SH3RF3: variants seen among roughly 807,000 people sequenced by gnomAD.
SH3RF3 encodes SH3 domain containing ring finger 3.
Under a neutral mutation model 66.3 loss-of-function variants are expected in SH3RF3, and 29 were observed. The observed-to-expected ratio is 0.44, with a 90% confidence interval of 0.33 to 0.60. SH3RF3 has a LOEUF of 0.60. Among genes scored for constraint, SH3RF3 ranks in the 20% least tolerant of loss-of-function variants. The pLI, the probability that SH3RF3 is intolerant of heterozygous loss-of-function variation, is 0.04. For missense variants in SH3RF3, 1,194 were observed against 1,190.9 expected, an observed-to-expected ratio of 1.00 and a Z score of -0.04; for synonymous variants, 583 against 532.0, an observed-to-expected ratio of 1.10 and a Z score of -1.32.
In SH3RF3 at chr2:109,371,567, G is replaced by A. The variant is rs1416899577; in HGVS notation, c.850-19G>A. 2 of 1,611,050 alleles carry A rather than the reference G, an allele frequency of 1.2e-6. No homozygotes were observed. Among genetic ancestry groups the A allele is most frequent in the African/African-American group, 1.3e-5 (1 of 74,852 alleles). On this transcript the variant is annotated intron_variant, in intron 2 of 9. Coordinates refer to ENST00000309415, the MANE Select transcript of SH3RF3 (RefSeq NM_001099289.3). ...TGTGTGTCCGTATGCTTGTGTCCAC[G>A]GTGGACCCGGAACTGCAGGACGAGA...
chr2:109,350,527 C>T (rs891645791), intron 2 of SH3RF3, among the ~76,000 whole-genome samples: 2 of 152,196 alleles, frequency 1.3e-5, no homozygotes, highest in Admixed American at 6.5e-5. Context: ...CCCCAAAGGG[C>T]GAGGTCGGGC....
In SH3RF3 at chr2:109,241,402, G is replaced by T. The variant is rs145505142; in HGVS notation, c.574-106272G>T. Among the ~76,000 whole-genome samples, 524 of 152,312 alleles carry T rather than the reference G, an allele frequency of 3.4e-3. 2 individuals are homozygous for T. The highest frequency in any genetic ancestry group is 0.012 in the African/African-American group (506 of 41,558). On this transcript the variant is annotated intron_variant, in intron 1 of 9. Transcript: ENST00000309415. The stretch of plus-strand genomic sequence containing the variant: ...TCTCCCCTTTTCTAGGGCCATATGG[G>T]TATAGATGCATTGGGGGAAAAAATG...
At chr2:109,484,218 C>T (rs1249152610) in intron 8 of SH3RF3, among the ~76,000 whole-genome samples, 2 of 152,142 alleles carry the variant, frequency 1.3e-5, no homozygotes, top group Non-Finnish European at 2.9e-5. Flanking sequence ...AGGCGCTTGC[C>T]ACCACGCTCA....
At chr2:109,276,157 G>A (rs1041657094) in intron 1 of SH3RF3, among the ~76,000 whole-genome samples, 3 of 152,186 alleles carry the variant, frequency 2.0e-5, no homozygotes, top group Non-Finnish European at 2.9e-5. Flanking sequence ...TTCGAGTTAG[G>A]AGCAGGCATT....
chr2:109,249,523 C>CTTTCTTTCTTTCTT (rs1680017564), intron 1 of SH3RF3, among the ~76,000 whole-genome samples: 4 of 107,294 alleles, frequency 3.7e-5, no homozygotes, highest in African/African-American at 7.2e-5. Context: ...CTTTCTTTTT[C>CTTTCTTTCTTTCTT]TTTCTTTCTT....
intron 1 of SH3RF3, among the ~76,000 whole-genome samples, chr2:109,341,072 C>T (rs1004746991): frequency 6.6e-6 from 1 of 152,202 alleles, no homozygotes; most frequent in African/African-American, 2.4e-5. Flanking sequence ...TGTTTTCATC[C>T]TTTGTCTTAT....
intron 1 of SH3RF3, among the ~76,000 whole-genome samples, chr2:109,135,465 A>G (rs917725547): frequency 1.3e-5 from 2 of 152,182 alleles, no homozygotes; most frequent in Non-Finnish European, 2.9e-5. Flanking sequence ...TGCTTCTTAG[A>G]TAAATAGGAT....
chr2:109,433,670 G>T (rs1677313553), intron 6 of SH3RF3, among the ~76,000 whole-genome samples: 1 of 152,236 alleles, frequency 6.6e-6, no homozygotes, highest in South Asian at 2.1e-4. Flanking sequence ...GACACATGCG[G>T]TGTTGACTTG....
intron 1 of SH3RF3, among the ~76,000 whole-genome samples, chr2:109,270,188 T>C (rs1421205069): frequency 2.6e-5 from 4 of 152,038 alleles, no homozygotes; most frequent in African/African-American, 7.2e-5. Context: ...GATCAGCAAA[T>C]TGGGGCAGCA....
intron 7 of SH3RF3, among the ~76,000 whole-genome samples, chr2:109,440,314 G>A (rs1217876496): frequency 1.3e-5 from 2 of 152,202 alleles, no homozygotes; most frequent in Non-Finnish European, 2.9e-5. Context: ...TTGGGCCGCC[G>A]AGGCCAGGGG....
intron 9 of SH3RF3, among the ~76,000 whole-genome samples, chr2:109,498,400 G>A (rs559854570): frequency 4.2e-4 from 64 of 152,302 alleles, no homozygotes; most frequent in African/African-American, 1.5e-3. Context: ...AGCTGGGCCT[G>A]TGTGCCCAGG....
intron 1 of SH3RF3, among the ~76,000 whole-genome samples, chr2:109,345,501 C>T (rs777436942): frequency 4.6e-5 from 7 of 152,038 alleles, no homozygotes; most frequent in Non-Finnish European, 8.8e-5. Context: ...TAAGCCTCAC[C>T]CTTGTGGTTT....
chr2:109,270,916 G>A (rs1486433562), intron 1 of SH3RF3, among the ~76,000 whole-genome samples: 2 of 152,210 alleles, frequency 1.3e-5, no homozygotes, highest in African/African-American at 4.8e-5. Context: ...GCATCAGGAG[G>A]GAGACACCAG....
intron 5 of SH3RF3, among the ~76,000 whole-genome samples, chr2:109,425,346 T>A (rs573050135): frequency 2.0e-4 from 30 of 152,230 alleles, no homozygotes; most frequent in African/African-American, 6.7e-4. Flanking sequence ...CTAGCTAAAA[T>A]CACTGATGAA....
intron 8 of SH3RF3, among the ~76,000 whole-genome samples, chr2:109,461,399 C>T (rs1678205779): frequency 6.6e-6 from 1 of 151,884 alleles, no homozygotes; most frequent in African/African-American, 2.4e-5. Context: ...GGTGATCCAC[C>T]TGCCAAAGGC....
At chr2:109,338,408 A>G (rs1404792260) in intron 1 of SH3RF3, among the ~76,000 whole-genome samples, 1 of 150,832 alleles carries the variant, frequency 6.6e-6, no homozygotes, top group East Asian at 1.9e-4. Flanking sequence ...TCCTTTTGTC[A>G]TTTGAGCCAG....
chr2:109,389,762 A>G (rs951308102), intron 3 of SH3RF3, among the ~76,000 whole-genome samples: 1 of 152,332 alleles, frequency 6.6e-6, no homozygotes, highest in East Asian at 1.9e-4. Context: ...TACACATTAC[A>G]TATGTATAAT....
At chr2:109,484,966 A>T (rs77259884) in intron 8 of SH3RF3, among the ~76,000 whole-genome samples, 1 of 152,216 alleles carries the variant, frequency 6.6e-6, no homozygotes, top group African/African-American at 2.4e-5. Context: ...ATTGTGTTCA[A>T]TCCTTTATTC....
At chr2:109,183,018 G>A (rs1425526341) in intron 1 of SH3RF3, among the ~76,000 whole-genome samples, 1 of 152,304 alleles carries the variant, frequency 6.6e-6, no homozygotes, top group East Asian at 1.9e-4. Flanking sequence ...CCTTCCACAT[G>A]ACTGTGTCGT....
Sources: allele counts gnomAD v4.1 joint callset (sites outside exome capture counted in the v4.1 genomes callset), GRCh38; gene constraint gnomAD v4.1.1; transcripts MANE v1.5; gene names NCBI Gene and HGNC (gene_info 2026-07-23, HGNC 2026-07-21).